The following ZNF76 variants were observed in gnomAD, a reference collection of about 807,000 sequenced individuals.
ZNF76 encodes zinc finger protein 76, also known as zinc finger protein 523.
Under a neutral mutation model 66.9 loss-of-function variants are expected in ZNF76, and 66 were observed. The ratio of observed to expected loss-of-function variants is 0.99; its 90% CI spans 0.81 to 1.21. ZNF76 has a LOEUF of 1.21. ZNF76 is among the 50% of genes most tolerant of loss of function. ZNF76 has a pLI of 0.00. For missense variants in ZNF76, 729 were observed against 760.3 expected (o/e 0.96, Z 0.48); for synonymous variants, 275 against 296.1 (o/e 0.93, Z 0.73).
rs1788707741 is a variant in ZNF76 at position 35,281,071 on chromosome 6, G to A, written c.-81G>A. ...ATTTTCTTAGATTTGTGACCCAGAA[G>A]GAAATCTCTGACCTCAGCTGTGGCT... On this transcript the variant is annotated 5_prime_UTR_variant, in exon 2 of 14. Transcript: ENST00000373953. 1 of 1,332,402 alleles carries A rather than the reference G, an allele frequency of 7.5e-7. No individual in the cohort carries two copies. The highest frequency in any genetic ancestry group is 1.1e-6 in the Non-Finnish European group (1 of 923,862). 82.5% of individuals were successfully genotyped at this position (1,332,402 alleles called of 1,614,324 possible).
intron 1 of ZNF76, among the ~76,000 whole-genome samples, chr6:35,278,976 T>C (rs145246195): frequency 6.6e-6 from 1 of 152,032 alleles, no homozygotes; most frequent in East Asian, 1.9e-4. Flanking sequence ...AGTACTGAAG[T>C]AGGTTGAGCC....
chr6:35,268,942 G>A (rs1194508328), intron 1 of ZNF76, among the ~76,000 whole-genome samples: 3 of 152,212 alleles, frequency 2.0e-5, no homozygotes, highest in African/African-American at 7.2e-5. Flanking sequence ...ATATAGAAAT[G>A]TGATGGTCTC....
intron 2 of ZNF76, among the ~76,000 whole-genome samples, chr6:35,281,963 C>T (rs1788833301): frequency 6.7e-6 from 1 of 150,290 alleles, no homozygotes; most frequent in African/African-American, 2.4e-5. Flanking sequence ...AAAAGATACT[C>T]TTCCTGATTC....
Position 35,264,305 on chromosome 6 carries a change from A to T in ZNF76, c.-97+4464A>T, listed in dbSNP as rs186954591. On this transcript the variant is annotated intron_variant, in intron 1 of 13. Transcript: ENST00000373953. ...TTTTAGTCATTGCTCGGGTGGGGGA[A>T]TGGGTGTAAGTGCTTTTCTTTTTCT... Among the ~76,000 whole-genome samples, 36 of 152,284 alleles carry T rather than the reference A, an allele frequency of 2.4e-4. No individual in the cohort carries two copies. The East Asian group carries it at 6.6e-3, about 28-fold the overall frequency.
rs1443359035 is a variant in ZNF76, at chr6:35,294,538, C to T, written c.1577C>T (p.Ala526Val). ...SLRHQQVALL[A>V]TANGTHIAVQ... Reference sequence around the variant, plus strand: ...CGTCATCAACAGGTGGCACTGTTGGCCACAGCCAACGGAACGCACATTGCA... The same window carrying T: ...CGTCATCAACAGGTGGCACTGTTGGTCACAGCCAACGGAACGCACATTGCA... The change falls in exon 13 of 14, where the codon GCC (alanine) becomes GTC (valine). Residue 526 changes from alanine (A) to valine (V), a missense_variant. By Grantham distance (64) the Ala-to-Val change is moderately conservative (BLOSUM62 0). Transcript: ENST00000373953. The T allele has an allele frequency of 6.2e-7, 1 of 1,613,656 alleles. No individual in the cohort carries two copies. The highest frequency in any genetic ancestry group is 8.5e-7 in the Non-Finnish European group (1 of 1,179,610).
At position 35,293,760 on chromosome 6, in the gene ZNF76, T is replaced by TC; in HGVS notation, c.1343dup (p.Glu449GlyfsTer27). On this transcript the variant is annotated frameshift_variant, in exon 12 of 14. Coordinates refer to ENST00000373953, the MANE Select transcript of ZNF76 (RefSeq NM_003427.5). LOFTEE classifies it high-confidence loss of function. ...CCCCTCCTGTTGGCAGGTCAGCCTG[T>TC]CCCCGGAAGACCTGCAGGCCCTGGG... 6.2e-7 allele frequency: 1 copy of TC among 1,613,892 alleles called. No individual in the cohort carries two copies. Among genetic ancestry groups the TC allele is most frequent in the Non-Finnish European group, 8.5e-7 (1 of 1,179,920 alleles).
intron 1 of ZNF76, among the ~76,000 whole-genome samples, chr6:35,261,034 A>G (rs1478988310): frequency 6.6e-6 from 1 of 152,184 alleles, no homozygotes; most frequent in Non-Finnish European, 1.5e-5. Context: ...TGAGTTCATA[A>G]CAAACCTAGG....
At chr6:35,267,041 C>T (rs190962304) in intron 1 of ZNF76, among the ~76,000 whole-genome samples, 59 of 151,976 alleles carry the variant, frequency 3.9e-4, no homozygotes, top group African/African-American at 1.4e-3. Context: ...CTTTGTGATC[C>T]GCCCGCCTTG....
intron 1 of ZNF76, among the ~76,000 whole-genome samples, chr6:35,277,051 G>A (rs1044731737): frequency 3.4e-4 from 52 of 151,278 alleles, no homozygotes; most frequent in South Asian, 8.3e-4. Flanking sequence ...CGCCCACTTC[G>A]GCCTCCCAAA....
chr6:35,275,029 C>T (rs574338917), intron 1 of ZNF76, among the ~76,000 whole-genome samples: 115 of 152,182 alleles, frequency 7.6e-4, no homozygotes, highest in African/African-American at 2.6e-3. Context: ...GTGGTGCATG[C>T]CTGTAATCCC....
At chr6:35,265,179 A>T (rs1785820723) in intron 1 of ZNF76, among the ~76,000 whole-genome samples, 1 of 152,130 alleles carries the variant, frequency 6.6e-6, no homozygotes. Context: ...TAAAATATAT[A>T]TTGAGAAAAT....
chr6:35,283,868 C>A (rs1789137033), intron 2 of ZNF76, among the ~76,000 whole-genome samples: 2 of 152,132 alleles, frequency 1.3e-5, no homozygotes, highest in South Asian at 4.1e-4. Flanking sequence ...CTATTTCTTA[C>A]CTTTATCTCC....
chr6:35,280,526 C>A (rs908991034), intron 1 of ZNF76, among the ~76,000 whole-genome samples: 4 of 135,852 alleles, frequency 2.9e-5, no homozygotes, highest in African/African-American at 1.1e-4. Flanking sequence ...TCCCCCCCCC[C>A]CCCGCCCTGA....
chr6:35,261,822 C>G (rs1328638802), intron 1 of ZNF76, among the ~76,000 whole-genome samples: 1 of 152,068 alleles, frequency 6.6e-6, no homozygotes, highest in African/African-American at 2.4e-5. Context: ...GCCCTGACCC[C>G]CAAGGTTTCT....
At chr6:35,264,244 C>T (rs1785662687) in intron 1 of ZNF76, among the ~76,000 whole-genome samples, 2 of 152,180 alleles carry the variant, frequency 1.3e-5, no homozygotes, top group Non-Finnish European at 1.5e-5. Flanking sequence ...TGGGCATGTC[C>T]CTTGATTTAA....
rs776348049 is a variant in ZNF76 at position 35,292,931 on chromosome 6, TA to T, written c.1217del (p.Tyr406SerfsTer5). 1 of 1,614,190 alleles carries T rather than the reference TA, an allele frequency of 6.2e-7. No homozygotes were observed. Among genetic ancestry groups the T allele is most frequent in the Admixed American group, 1.7e-5 (1 of 60,026 alleles). On this transcript the variant is annotated frameshift_variant, in exon 11 of 14. Coordinates refer to ENST00000373953, the MANE Select transcript of ZNF76 (RefSeq NM_003427.5). LOFTEE classifies it high-confidence loss of function. The surrounding 1 kb of genome is among the most constrained non-coding windows in gnomAD (Gnocchi z 4.7). ...SPPPKRPRIAYLSEVKEERDD... is the reference protein window; with the variant it reads ...SPPPKRPRIAXLSEVKEERDD... Reference sequence around the variant, plus strand: ...GCCACCCAAACGACCCCGGATAGCTTACCTTTCGGAGGTGAAGGAAGAGAGA... The same window carrying T: ...GCCACCCAAACGACCCCGGATAGCTTCCTTTCGGAGGTGAAGGAAGAGAGA...
chr6:35,289,551 C>A (rs1038498965), intron 5 of ZNF76, among the ~76,000 whole-genome samples: 2 of 152,186 alleles, frequency 1.3e-5, no homozygotes, highest in Non-Finnish European at 2.9e-5. Context: ...CCCACCAGGA[C>A]CCTGCCCAGG....
chr6:35,268,505 C>CA (rs201178545), intron 1 of ZNF76, among the ~76,000 whole-genome samples: 1,602 of 151,600 alleles, frequency 0.011, 29 homozygotes, highest in African/African-American at 0.035. Flanking sequence ...AACAAACAAA[C>CA]AAAAAAAACG....
intron 2 of ZNF76, 119 bp from the exon 3 acceptor site, chr6:35,286,009 A>G: frequency 1.1e-6 from 1 of 883,264 alleles, no homozygotes; most frequent in Non-Finnish European, 1.8e-6. Context: ...GATGTTACCC[A>G]TGCTTAGACC....
Sources: gnomAD v4.1 joint callset for allele counts (sites outside exome capture counted in the v4.1 genomes callset) on GRCh38, gnomAD v4.1.1 for gene constraint, Gnocchi (gnomAD v3.1) non-coding constraint, MANE v1.5 for transcripts, NCBI Gene and HGNC (gene_info 2026-07-23, HGNC 2026-07-21) for gene names.